DSCAM: variants seen among roughly 807,000 people sequenced by gnomAD.
DSCAM encodes cell adhesion molecule DSCAM.
A neutral mutation model predicts 217.7 loss-of-function variants in DSCAM; 47 were observed. The ratio of observed to expected loss-of-function variants is 0.22; its 90% CI spans 0.17 to 0.28. The LOEUF (loss-of-function observed/expected upper bound fraction) is 0.28. DSCAM is among the 10% of genes least tolerant of loss of function. The pLI is 1.00. For synonymous variants in DSCAM, 1,056 were observed against 1,015.3 expected, an observed-to-expected ratio of 1.04 and a Z score of -0.76; for missense variants, 2,080 against 2,618.3, an observed-to-expected ratio of 0.79 and a Z score of 4.49.
At chr21:40,466,206 T>C (rs1302425802) in intron 3 of DSCAM, among the ~76,000 whole-genome samples, 1 of 152,208 alleles carries the variant, frequency 6.6e-6, no homozygotes, top group Non-Finnish European at 1.5e-5. Context: ...TAAGGCGGCA[T>C]GCAGCTGGAT....
At chr21:40,361,856 C>T (rs910784494) in intron 4 of DSCAM, among the ~76,000 whole-genome samples, 1 of 152,214 alleles carries the variant, frequency 6.6e-6, no homozygotes, top group African/African-American at 2.4e-5. Context: ...CTCTTGCTCA[C>T]ATGCAGTTGT....
intron 6 of DSCAM, 75 bp downstream of exon 6, chr21:40,347,595 C>T: frequency 1.3e-6 from 2 of 1,587,862 alleles, no homozygotes; most frequent in Non-Finnish European, 1.7e-6. Context: ...CACTGCTTCA[C>T]CCTGTCTTCT....
At chr21:40,440,957 G>A (rs2075624882) in intron 3 of DSCAM, among the ~76,000 whole-genome samples, 1 of 152,160 alleles carries the variant, frequency 6.6e-6, no homozygotes. Flanking sequence ...TCTCTTAATG[G>A]ACTTCAGGCA....
intron 6 of DSCAM, among the ~76,000 whole-genome samples, chr21:40,347,449 T>C (rs2074570813): frequency 6.6e-6 from 1 of 152,230 alleles, no homozygotes; most frequent in South Asian, 2.1e-4. Flanking sequence ...GCAACATTTA[T>C]GTTACTTTAC....
intron 3 of DSCAM, among the ~76,000 whole-genome samples, chr21:40,430,334 A>G (rs1231676532): frequency 1.3e-5 from 2 of 152,218 alleles, no homozygotes; most frequent in Non-Finnish European, 2.9e-5. Flanking sequence ...AAGGAGATTA[A>G]CATTTGAGGC....
At chr21:40,417,561 T>TAAAG (rs10665719) in intron 3 of DSCAM, among the ~76,000 whole-genome samples, 99,580 of 151,388 alleles carry the variant, frequency 0.66, 32,865 homozygotes, top group Middle Eastern at 0.76. Context: ...TGAAGAAAAA[T>TAAAG]AGATATACAG....
intron 15 of DSCAM, among the ~76,000 whole-genome samples, chr21:40,170,272 C>T (rs951136164): frequency 2.0e-5 from 3 of 152,172 alleles, no homozygotes; most frequent in Non-Finnish European, 2.9e-5. Flanking sequence ...CTGTAGTGTG[C>T]ATATATGTTT....
At chr21:40,356,822 G>C (rs773715165) in intron 4 of DSCAM, among the ~76,000 whole-genome samples, 1 of 152,158 alleles carries the variant, frequency 6.6e-6, no homozygotes, top group Non-Finnish European at 1.5e-5. Context: ...TTTATTAGTA[G>C]GAAGACTTCT....
intron 3 of DSCAM, among the ~76,000 whole-genome samples, chr21:40,528,897 A>ATTTTTTTTTTTTTTTTTTTTTTTTT (rs2076420785): frequency 1.1e-5 from 1 of 93,980 alleles, no homozygotes; most frequent in African/African-American, 5.1e-5. Flanking sequence ...CAGGCTTTCC[A>ATTTTTTTTTTTTTTTTTTTTTTTTT]CTTTTTTTTT....
intron 3 of DSCAM, among the ~76,000 whole-genome samples, chr21:40,512,736 T>C (rs906352704): frequency 6.6e-6 from 1 of 151,998 alleles, no homozygotes; most frequent in Non-Finnish European, 1.5e-5. Context: ...GTAACAGTGC[T>C]CTGACCTCCC....
At chr21:40,501,147 T>C (rs759610396) in intron 3 of DSCAM, among the ~76,000 whole-genome samples, 24 of 152,312 alleles carry the variant, frequency 1.6e-4, no homozygotes, top group Non-Finnish European at 2.4e-4. Flanking sequence ...AGTTACATAA[T>C]GCATAATTTT....
intron 3 of DSCAM, among the ~76,000 whole-genome samples, chr21:40,570,335 T>C (rs191053059): frequency 1.1e-3 from 171 of 152,274 alleles, no homozygotes; most frequent in African/African-American, 3.9e-3. Flanking sequence ...CTCAGGATCC[T>C]AACTCTGCAA....
At chr21:40,662,024 A>G (rs949353735) in intron 3 of DSCAM, among the ~76,000 whole-genome samples, 2 of 152,242 alleles carry the variant, frequency 1.3e-5, no homozygotes, top group Admixed American at 1.3e-4. Context: ...TAGAGCATAA[A>G]GTAACATGCC....
chr21:40,642,068 A>G (rs1044596671), intron 3 of DSCAM, among the ~76,000 whole-genome samples: 1 of 148,990 alleles, frequency 6.7e-6, no homozygotes, highest in African/African-American at 2.5e-5. Context: ...AACAAAGATT[A>G]TATTCATGTA....
chr21:40,306,284 A>T (rs1175281250), intron 9 of DSCAM, among the ~76,000 whole-genome samples: 1 of 148,180 alleles, frequency 6.7e-6, no homozygotes, highest in Admixed American at 6.6e-5. Flanking sequence ...ATTTTTGTAC[A>T]TTGATTTTGT....
intron 9 of DSCAM, among the ~76,000 whole-genome samples, chr21:40,298,084 C>CTTTTTTTTTTTT: frequency 7.5e-6 from 1 of 132,684 alleles, no homozygotes. Flanking sequence ...TTAGCTTTTA[C>CTTTTTTTTTTTT]TTTTTTTTTT....
chr21:40,291,106 A>C (rs9975585), intron 10 of DSCAM, among the ~76,000 whole-genome samples: 75,551 of 152,038 alleles, frequency 0.5, 20,839 homozygotes, highest in African/African-American at 0.75. Flanking sequence ...CACTTCCACT[A>C]TCCTCACTGC....
At chr21:40,357,919 A>T (rs2074713666) in intron 4 of DSCAM, among the ~76,000 whole-genome samples, 1 of 152,238 alleles carries the variant, frequency 6.6e-6, no homozygotes, top group Non-Finnish European at 1.5e-5. Flanking sequence ...TTCTTCAGTA[A>T]TACAGATTTT....
intron 3 of DSCAM, among the ~76,000 whole-genome samples, chr21:40,644,292 G>A (rs2089917756): frequency 6.6e-6 from 1 of 152,202 alleles, no homozygotes; most frequent in Non-Finnish European, 1.5e-5. Context: ...AGCAAGCAGT[G>A]TTTGGTGAGT....
Sources: gnomAD v4.1 joint callset for allele counts (sites outside exome capture counted in the v4.1 genomes callset) on GRCh38, gnomAD v4.1.1 for gene constraint, MANE v1.5 for transcripts, NCBI Gene and HGNC (gene_info 2026-07-23, HGNC 2026-07-21) for gene names.